Variants in AHNAK observed in about 807,000 individuals in gnomAD.
AHNAK encodes AHNAK nucleoprotein.
A neutral mutation model predicts 37.8 loss-of-function variants in AHNAK; 23 were observed. The observed-to-expected ratio is 0.61, with a 90% CI of 0.44 to 0.86. The LOEUF is 0.86. Among genes scored for constraint, AHNAK ranks in the 40% least tolerant of loss-of-function variants. AHNAK has a pLI of 0.00. For missense variants in AHNAK, 7,411 were observed against 7,319.4 expected, an observed-to-expected ratio of 1.01 and a Z score of -0.46; for synonymous variants, 2,481 against 2,636.3, an observed-to-expected ratio of 0.94 and a Z score of 1.80.
chr11:62,434,567 C>T (rs1377203209), intron 5 of AHNAK, among the ~76,000 whole-genome samples: 1 of 152,146 alleles, frequency 6.6e-6, no homozygotes, highest in African/African-American at 2.4e-5. Context: ...GGCCTGCATG[C>T]CCCAGGCTTC....
intron 4 of AHNAK, among the ~76,000 whole-genome samples, chr11:62,505,739 C>A (rs1264945816): frequency 6.6e-6 from 1 of 151,282 alleles, no homozygotes; most frequent in East Asian, 1.9e-4. Context: ...TGCTGCCTCC[C>A]CCGACACACC....
At chr11:62,437,187 G>C (rs1938191131) in intron 5 of AHNAK, among the ~76,000 whole-genome samples, 1 of 152,150 alleles carries the variant, frequency 6.6e-6, no homozygotes, top group Non-Finnish European at 1.5e-5. Context: ...AATGGAATCA[G>C]AGCATATAAT....
In AHNAK at chr11:62,525,827, G is replaced by T. The variant is rs779037423; in HGVS notation, c.8590C>A (p.Leu2864Met). The T allele has an allele frequency of 6.2e-7, 1 of 1,614,042 alleles. No individual in the cohort carries two copies. The highest frequency in any genetic ancestry group is 1.1e-5 in the South Asian group (1 of 91,070). Residue 2864 changes from leucine (L) to methionine (M), a missense_variant, in exon 5 of 5, where the codon CTG (leucine) becomes ATG (methionine). By Grantham distance (15) the Leu-to-Met change is conservative. Coordinates refer to ENST00000378024, the MANE Select transcript of AHNAK (RefSeq NM_001620.3). ...TTGAGGTCAACTTCAGGACCTTTCA[G>T]ATCTCCCTCTACCTTAGGGCCTGTA... ...DVTGPKVEGDLKGPEVDLKGP... is the reference protein window; with the variant it reads ...DVTGPKVEGDMKGPEVDLKGP...
In AHNAK at chr11:62,532,975, C is replaced by A; in HGVS notation, c.1442G>T (p.Gly481Val). The A allele has an allele frequency of 6.2e-7, 1 of 1,614,154 alleles. No homozygotes were observed. Among genetic ancestry groups the A allele is most frequent in the Non-Finnish European group, 8.5e-7 (1 of 1,180,024 alleles). The change falls in exon 5 of 5, where the codon GGA becomes GTA. Residue 481 changes from glycine to valine, a missense_variant. Gly to Val is a moderately radical substitution (Grantham distance 109). Transcript: ENST00000378024. Reference sequence around the variant, plus strand: ...CTTCACTTTAGTACCTTTCATCTTTCCTTCCAGCCCACCAGTAGCAATCTC... The same window carrying A: ...CTTCACTTTAGTACCTTTCATCTTTACTTCCAGCCCACCAGTAGCAATCTC... ...LPEIATGGLEGKMKGTKVKTP... is the reference protein window; with the variant it reads ...LPEIATGGLEVKMKGTKVKTP...
At position 62,528,428 on chromosome 11, in the gene AHNAK, G is replaced by C. The variant is rs1348413100; in HGVS notation, c.5989C>G (p.His1997Asp). The part of the protein sequence containing the change: ...PKISMPDVDL[H>D]LKGPKVKGDM... The stretch of plus-strand genomic sequence containing the variant: ...CCTTTGACTTTGGGGCCTTTCAGGT[G>C]TAAGTCCACATCAGGCATGGAGATC... The change falls in exon 5 of 5, where the codon CAC becomes GAC. Residue 1997 changes from histidine (H) to aspartate (D), a missense_variant. By Grantham distance (81) the His-to-Asp change is moderately conservative. Transcript: ENST00000378024. 3.1e-6 allele frequency: 5 copies of C among 1,613,262 alleles called. No individual in the cohort carries two copies. The highest frequency in any genetic ancestry group is 1.7e-5 in the Admixed American group (1 of 59,904).
intron 5 of AHNAK, among the ~76,000 whole-genome samples, chr11:62,484,351 A>G (rs1036089906): frequency 1.1e-4 from 17 of 152,094 alleles, no homozygotes; most frequent in Non-Finnish European, 1.5e-5. Context: ...ATGCCACCAC[A>G]CTACAGCCTG....
In AHNAK at chr11:62,525,198, C is replaced by A; in HGVS notation, c.9219G>T (p.Lys3073Asn). ...PDVNIEGPEG[K>N]LKGPKFKMPE... ...GCATTTTGAATTTGGGACCTTTCAA[C>A]TTTCCCTCTGGGCCTTCGATATTCA... The change falls in exon 5 of 5, where the codon AAG (lysine) becomes AAT (asparagine). Residue 3073 changes from lysine (K) to asparagine (N), a missense_variant. Coordinates refer to ENST00000378024, the MANE Select transcript of AHNAK (RefSeq NM_001620.3). 6.2e-7 allele frequency: 1 copy of A among 1,610,044 alleles called. No individual in the cohort carries two copies. The highest frequency in any genetic ancestry group is 1.7e-5 in the Admixed American group (1 of 59,548).
At chr11:62,453,954 A>C (rs964173284) in intron 5 of AHNAK, among the ~76,000 whole-genome samples, 5 of 152,012 alleles carry the variant, frequency 3.3e-5, no homozygotes, top group African/African-American at 1.2e-4. Context: ...TAAAAATACA[A>C]AAATTAGCCA....
At chr11:62,503,321 G>C (rs1274647704) in intron 4 of AHNAK, among the ~76,000 whole-genome samples, 2 of 152,222 alleles carry the variant, frequency 1.3e-5, no homozygotes, top group African/African-American at 4.8e-5. Flanking sequence ...GGGCACGGTG[G>C]CTCACGCCTG....
At position 62,524,589 on chromosome 11, in the gene AHNAK, T is replaced by A; in HGVS notation, c.9828A>T (p.Leu3276Phe). ...CAGGCATCTTCAGTTTTGGACCTTT[T>A]AATTTGGCATCTGGGCCATGAATGT... Reference protein sequence around the residue: ...DIDIHGPDAKLKGPKLKMPDM... With the variant: ...DIDIHGPDAKFKGPKLKMPDM... Residue 3276 changes from leucine (L) to phenylalanine (F), a missense_variant, in exon 5 of 5, where the codon TTA (leucine) becomes TTT (phenylalanine). Leu to Phe is a conservative substitution (Grantham distance 22). Coordinates refer to ENST00000378024, the MANE Select transcript of AHNAK (RefSeq NM_001620.3). 6.2e-7 allele frequency: 1 copy of A among 1,613,872 alleles called. No homozygotes were observed. The highest frequency in any genetic ancestry group is 8.5e-7 in the Non-Finnish European group (1 of 1,179,946).
intron 5 of AHNAK, among the ~76,000 whole-genome samples, chr11:62,441,993 C>T (rs1938316958): frequency 6.6e-6 from 1 of 152,134 alleles, no homozygotes; most frequent in Non-Finnish European, 1.5e-5. Context: ...GCAAATCACC[C>T]TACTCCTTGA....
rs1313333694 is a variant in AHNAK at position 62,523,236 on chromosome 11, T to A, written c.11181A>T (p.Lys3727Asn). The A allele has an allele frequency of 1.2e-6, 2 of 1,612,448 alleles. No homozygotes were observed. The highest frequency in any genetic ancestry group is 3.3e-5 in the Admixed American group (2 of 59,862). The change falls in exon 5 of 5, where the codon AAA (lysine) becomes AAT (asparagine). Residue 3727 changes from lysine to asparagine, a missense_variant. Lys to Asn is a moderately conservative substitution (Grantham distance 94). Transcript: ENST00000378024. ...GTATCTTAAATTTGGGTCCCTTGAA[T>A]TTACCCTCTGAGCCTTCGATGTTAA... is the stretch of plus-strand genomic sequence containing the variant. ...PDINIEGSEG[K>N]FKGPKFKIPE...
chr11:62,531,662 C>G lies in AHNAK; in HGVS notation c.2755G>C (p.Asp919His), dbSNP rs1342741790. The G allele has an allele frequency of 2.5e-6, 4 of 1,613,862 alleles. No homozygotes were observed. Among genetic ancestry groups the G allele is most frequent in the Non-Finnish European group, 2.5e-6 (3 of 1,179,988 alleles). ...SGPKVGVEVP[D>H]VNIEGPEGKL... ...CCTTCAGGTCCTTCAATATTCACAT[C>G]TGGAACTTCAACACCCACCTTGGGT... The change falls in exon 5 of 5, where the codon GAT (aspartate) becomes CAT (histidine). Residue 919 changes from aspartate (D) to histidine (H), a missense_variant. Physicochemically the swap from Asp to His is moderately conservative, Grantham distance 81. Transcript: ENST00000378024.
At chr11:62,544,676 G>T (rs1195169691) in intron 1 of AHNAK, among the ~76,000 whole-genome samples, 1 of 152,106 alleles carries the variant, frequency 6.6e-6, no homozygotes, top group Non-Finnish European at 1.5e-5. Context: ...CGCGGTGGGG[G>T]GTGGGTGACC....
In AHNAK at chr11:62,535,966, G is replaced by A. The variant is rs570304783; in HGVS notation, c.133C>T (p.Arg45Cys). The stretch of plus-strand genomic sequence containing the variant: ...TCACCCTCCTTGACCACCCCAGTGC[G>A]GGCCGCAGGGGAGTTCTGCGTCACC... ...QEVTQNSPAARTGVVKEGDQI... is the reference protein window; with the variant it reads ...QEVTQNSPAACTGVVKEGDQI... The change falls in exon 3 of 5, where the codon CGC becomes TGC. Residue 45 changes from arginine to cysteine, a missense_variant. Coordinates refer to ENST00000378024, the MANE Select transcript of AHNAK (RefSeq NM_001620.3). 4.0e-5 allele frequency: 65 copies of A among 1,611,478 alleles called. No homozygotes were observed. Among genetic ancestry groups the A allele is most frequent in the African/African-American group, 1.3e-4 (10 of 74,924 alleles).
intron 5 of AHNAK, among the ~76,000 whole-genome samples, chr11:62,462,751 T>A (rs995395259): frequency 4.6e-5 from 7 of 152,198 alleles, no homozygotes; most frequent in African/African-American, 1.7e-4. Context: ...GTTTCGACAA[T>A]GTGACTGGTC....
chr11:62,493,909 A>T (rs1939558819), intron 4 of AHNAK, among the ~76,000 whole-genome samples: 1 of 152,090 alleles, frequency 6.6e-6, no homozygotes, highest in African/African-American at 2.4e-5. Flanking sequence ...AGTTTTCTAG[A>T]TGCTGAGACA....
At chr11:62,536,957 TTA>T (rs201458277) in intron 1 of AHNAK, among the ~76,000 whole-genome samples, 16 of 149,118 alleles carry the variant, frequency 1.1e-4, no homozygotes, top group African/African-American at 3.1e-4. Flanking sequence ...TTTATTTTAT[TTA>T]TTTTTTTTTT....
In AHNAK at chr11:62,522,530, C is replaced by T. The variant is rs201064254; in HGVS notation, c.11887G>A (p.Val3963Ile). 4.8e-5 allele frequency: 78 copies of T among 1,613,756 alleles called. No individual in the cohort carries two copies. Among genetic ancestry groups the T allele is most frequent in the African/African-American group, 8.0e-5 (6 of 74,790 alleles). ...DVNLPKADLD[V>I]SGPKVDVDVP... Reference sequence around the variant, plus strand: ...TCAACGTCCACCTTGGGTCCTGAGACGTCAAGGTCAGCCTTGGGCAGGTTC... The same window carrying T: ...TCAACGTCCACCTTGGGTCCTGAGATGTCAAGGTCAGCCTTGGGCAGGTTC... Residue 3963 changes from valine (V) to isoleucine (I), a missense_variant, in exon 5 of 5, where the codon GTC (valine) becomes ATC (isoleucine). By Grantham distance (29) the Val-to-Ile change is conservative. Transcript: ENST00000378024.
Sources: allele counts gnomAD v4.1 joint callset (sites outside exome capture counted in the v4.1 genomes callset), GRCh38; gene constraint gnomAD v4.1.1; transcripts MANE v1.5; gene names NCBI Gene and HGNC (gene_info 2026-07-23, HGNC 2026-07-21).